PLA2G2A: variants seen among roughly 807,000 people sequenced by gnomAD.
The protein encoded by PLA2G2A is phospholipase A2 group IIA.
In PLA2G2A, 6 loss-of-function variants were observed where a neutral mutation model predicts 11.2. That is an observed-to-expected ratio of 0.54 (90% CI 0.29 to 1.06). PLA2G2A has a LOEUF of 1.06. Among genes scored for constraint, PLA2G2A ranks in the 50% least tolerant of loss-of-function variants. The probability of loss-of-function intolerance (pLI) is 0.08; values close to 1 mark genes in which losing one functional copy is unlikely to be tolerated. For missense variants in PLA2G2A, 133 were observed against 177.1 expected (o/e 0.75, Z 1.41); for synonymous variants, 69 against 65.8 (o/e 1.05, Z -0.23).
intron 1 of PLA2G2A, 44 bp from the exon 2 acceptor site, chr1:19,978,923 G>C: frequency 1.4e-6 from 1 of 725,964 alleles, no homozygotes; most frequent in African/African-American, 1.7e-5. Context: ...TAAGTCCAGG[G>C]TGACTTCCTC....
intron 2 of PLA2G2A, 94 bp downstream of exon 2, chr1:19,978,640 G>A: frequency 1.3e-6 from 2 of 1,593,922 alleles, no homozygotes; most frequent in Middle Eastern, 1.7e-4. Context: ...CCCCCTGAGA[G>A]AGGATCACTG....
At chr1:19,978,020 G>C (rs952064463) in exon 4 of PLA2G2A, 1 of 1,592,250 alleles carries the variant, frequency 6.3e-7, no homozygotes, top group East Asian at 2.2e-5. Context: ...CTTACCACAG[G>C]TGATTCTGCT....
intron 4 of PLA2G2A, 23 bp downstream of exon 4, chr1:19,977,992 C>G (rs777849139): frequency 1.4e-6 from 2 of 1,386,228 alleles, no homozygotes; most frequent in Non-Finnish European, 2.1e-6. Flanking sequence ...GAGGGCCACT[C>G]GATGGTGAGG....
intron 4 of PLA2G2A, among the ~76,000 whole-genome samples, chr1:19,977,763 C>G (rs1291236201): frequency 6.6e-6 from 1 of 152,228 alleles, no homozygotes; most frequent in African/African-American, 2.4e-5. Flanking sequence ...CACAGCCTTT[C>G]AGACTCAGCT....
At chr1:19,975,564 A>T, downstream of PLA2G2A, 1 of 795,638 alleles carries the variant, frequency 1.3e-6, no homozygotes, top group Non-Finnish European at 2.2e-6. Flanking sequence ...GGGTGGGTAT[A>T]GAAGGGCTCC....
intron 1 of PLA2G2A, 159 bp from the exon 2 acceptor site, chr1:19,979,038 T>C (rs1232579025): frequency 7.0e-6 from 4 of 567,666 alleles, no homozygotes; most frequent in Non-Finnish European, 9.6e-6. Flanking sequence ...TGCAGAATGG[T>C]TTCACACACA....
Position 19,978,976 on chromosome 1 carries a change from C to CAA in PLA2G2A, c.-106-98_-106-97insTT, listed in dbSNP as rs1491029495. On this transcript the variant is annotated intron_variant, in intron 1 of 4. Coordinates refer to ENST00000482011, the Ensembl canonical transcript of PLA2G2A. ...ACAAGGAGTGCCCTCCAGCAATGCA[C>CAA]ACACACACACACACACACACACACA... 11 of 78,602 alleles carry CAA rather than the reference C, an allele frequency of 1.4e-4. No individual in the cohort carries two copies. The African/African-American group carries it at 1.5e-3, about 10-fold the overall frequency. 4.9% of individuals were successfully genotyped at this position (78,602 alleles called of 1,614,324 possible).
At chr1:19,975,990 A>T in intron 4 of PLA2G2A, 147 bp from the exon 5 acceptor site, 2 of 725,418 alleles carry the variant, frequency 2.8e-6, no homozygotes, top group Non-Finnish European at 2.4e-6. Flanking sequence ...TTTCTGACCA[A>T]TGGGGAGACA....
intron 3 of PLA2G2A, 111 bp downstream of exon 3, chr1:19,978,269 G>T: frequency 7.0e-7 from 1 of 1,435,876 alleles, no homozygotes; most frequent in Non-Finnish European, 9.7e-7. Flanking sequence ...TGCTTTTCCA[G>T]CCAGGCCATC....
chr1:19,978,929 T>A, intron 1 of PLA2G2A, 50 bp from the exon 2 acceptor site: 1 of 701,180 alleles, frequency 1.4e-6, no homozygotes, highest in Non-Finnish European at 2.6e-6. Context: ...CAGGGTGACT[T>A]CCTCTGTCAC....
intron 4 of PLA2G2A, 79 bp from the exon 5 acceptor site, chr1:19,975,922 G>T: frequency 8.0e-7 from 1 of 1,243,058 alleles, no homozygotes. Flanking sequence ...TGGGGTAGAA[G>T]ACACAGCCCT....
At chr1:19,975,496 C>G, downstream of PLA2G2A, 1 of 610,472 alleles carries the variant, frequency 1.6e-6, no homozygotes, top group South Asian at 1.9e-5. Context: ...TGGTTAAGCA[C>G]GGAGTTGAGG....
intron 3 of PLA2G2A, 118 bp from the exon 4 acceptor site, chr1:19,978,239 A>G (rs539053535): frequency 3.8e-5 from 51 of 1,342,248 alleles, no homozygotes; most frequent in Non-Finnish European, 5.0e-5. Context: ...AGTCTAGAGC[A>G]GAAGTTCCAA....
At chr1:19,976,610 G>T (rs1489815763) in intron 4 of PLA2G2A, among the ~76,000 whole-genome samples, 3 of 152,186 alleles carry the variant, frequency 2.0e-5, no homozygotes, top group Non-Finnish European at 1.5e-5. Context: ...GGCCATGATG[G>T]GAGACATAAT....
Position 19,978,721 on chromosome 1 carries a change from G to A in PLA2G2A, c.40+13C>T, listed in dbSNP as rs200281231. On this transcript the variant is annotated intron_variant, in intron 2 of 4. Coordinates refer to ENST00000482011, the Ensembl canonical transcript of PLA2G2A. The stretch of plus-strand genomic sequence containing the variant: ...CTGTCCCCCCATGCTCAGAGGTCAG[G>A]GTCAGCTCTTACCAAAGATCATGAT... The A allele has an allele frequency of 3.1e-6, 5 of 1,613,810 alleles. No homozygotes were observed. The highest frequency in any genetic ancestry group is 2.2e-5 in the East Asian group (1 of 44,894).
upstream of PLA2G2A, chr1:19,980,400 G>A (rs2046283029): frequency 6.6e-6 from 1 of 152,406 alleles, no homozygotes; most frequent in Non-Finnish European, 1.5e-5. Context: ...CCCTGGATCT[G>A]TTGCTCTTTT....
At chr1:19,978,423 AGTGGCAGCC>A (rs2046254486) in exon 3 of PLA2G2A, 2 of 1,611,850 alleles carry the variant, frequency 1.2e-6, no homozygotes, top group African/African-American at 1.3e-5. Flanking sequence ...CCCACGCCAC[AGTGGCAGCC>A]GTAGAAGCCA....
rs3061293 is a variant in PLA2G2A at position 19,978,973 on chromosome 1, G to GCACA, written c.-106-98_-106-95dup. On this transcript the variant is annotated intron_variant, in intron 1 of 4. Coordinates refer to ENST00000482011, the Ensembl canonical transcript of PLA2G2A. The stretch of plus-strand genomic sequence containing the variant: ...CACACAAGGAGTGCCCTCCAGCAAT[G>GCACA]CACACACACACACACACACACACAC... 9.3e-3 allele frequency: 5,356 copies of GCACA among 573,062 alleles called. 87 individuals are homozygous for GCACA. Among genetic ancestry groups the GCACA allele is most frequent in the Admixed American group, 0.062 (2,362 of 37,844 alleles). The allele number at this position is 573,062 out of a possible 1,614,324, so 35.5% of individuals were successfully genotyped here. A position where few individuals can be genotyped will look rare whatever the true frequency, so the allele number is the denominator to read the frequency against.
intron 1 of PLA2G2A, chr1:19,979,121 G>A (rs919147244): frequency 3.0e-6 from 1 of 338,556 alleles, no homozygotes; most frequent in Non-Finnish European, 5.6e-6. Context: ...CAGACTGAGA[G>A]TTCTTGGGAG....
Sources: allele counts gnomAD v4.1 joint callset (sites outside exome capture counted in the v4.1 genomes callset), GRCh38; gene constraint gnomAD v4.1.1; transcripts MANE v1.5; gene names NCBI Gene and HGNC (gene_info 2026-07-23, HGNC 2026-07-21).